Variants in TAPBPL observed in about 807,000 individuals in gnomAD.
TAPBPL encodes TAP binding protein like.
In TAPBPL, 32 loss-of-function variants were observed where a neutral mutation model predicts 44.8. The ratio of observed to expected loss-of-function variants is 0.71; its 90% CI spans 0.54 to 0.96. TAPBPL has a LOEUF of 0.96. Among genes scored for constraint, TAPBPL ranks in the 40% least tolerant of loss-of-function variants. The probability of loss-of-function intolerance (pLI) is 0.00; values close to 1 mark genes in which losing one functional copy is unlikely to be tolerated. For synonymous variants in TAPBPL, 230 were observed against 240.7 expected (o/e 0.96, Z 0.41); for missense variants, 520 against 586.6 (o/e 0.89, Z 1.17).
rs115145657 is a variant in TAPBPL, at chr12:6,459,072, G to T, written c.1207+125G>T. 2.5e-3 allele frequency: 2,835 copies of T among 1,117,390 alleles called. 54 individuals carry two copies. The African/African-American group carries it at 0.04, about 16-fold the overall frequency. 69.2% of individuals were successfully genotyped at this position (1,117,390 alleles called of 1,614,324 possible). On this transcript the variant is annotated intron_variant, in intron 5 of 6. Coordinates refer to ENST00000266556, the MANE Select transcript of TAPBPL (RefSeq NM_018009.5). ...TTCGCAGCCCTGGCTTCATGCTCCT[G>T]CCTCTGCTCCTGACTATTTTCCCAA...
At chr12:6,455,561 A>G (rs559123185) in intron 3 of TAPBPL, among the ~76,000 whole-genome samples, 2 of 151,968 alleles carry the variant, frequency 1.3e-5, no homozygotes, top group African/African-American at 4.8e-5. Flanking sequence ...GACTGTCCCT[A>G]TCTCCCCACA....
intron 1 of TAPBPL, 69 bp downstream of exon 1, chr12:6,452,381 C>G (rs570972025): frequency 1.3e-6 from 2 of 1,526,602 alleles, no homozygotes; most frequent in Non-Finnish European, 1.8e-6. Flanking sequence ...CCACCCTCCC[C>G]GAGATTCCAG....
intron 1 of TAPBPL, among the ~76,000 whole-genome samples, chr12:6,452,784 A>G (rs1362187718): frequency 1.3e-5 from 2 of 152,192 alleles, no homozygotes; most frequent in African/African-American, 2.4e-5. Flanking sequence ...TTGACTGAAA[A>G]GATAGTCTTT....
At chr12:6,470,428 G>A (rs1479762211), downstream of TAPBPL, 38 of 1,558,032 alleles carry the variant, frequency 2.4e-5, no homozygotes, top group Non-Finnish European at 3.2e-5. Flanking sequence ...TCCCCGCGTT[G>A]CTGCAGCTGC....
chr12:6,453,821 C>A lies in TAPBPL; in HGVS notation c.565+105C>A. ...TCACCTGAGGTCAGGAGTTTGAGATCAGCCTGGTCAACACGGTGAAACCCC... is the reference window on the plus strand; with the variant it reads ...TCACCTGAGGTCAGGAGTTTGAGATAAGCCTGGTCAACACGGTGAAACCCC... On this transcript the variant is annotated intron_variant, in intron 3 of 6. Coordinates refer to ENST00000266556, the MANE Select transcript of TAPBPL (RefSeq NM_018009.5). This position sits in a 1 kb window ranked among gnomAD's most constrained non-coding sequence, Gnocchi z 4.8. 7.3e-7 allele frequency: 1 copy of A among 1,377,712 alleles called. No individual in the cohort carries two copies. The highest frequency in any genetic ancestry group is 9.6e-7 in the Non-Finnish European group (1 of 1,045,918). The allele number at this position is 1,377,712 out of a possible 1,614,324, so 85.3% of individuals were successfully genotyped here.
intron 5 of TAPBPL, among the ~76,000 whole-genome samples, chr12:6,460,645 A>G (rs1949830545): frequency 6.6e-6 from 1 of 152,194 alleles, no homozygotes; most frequent in Non-Finnish European, 1.5e-5. Flanking sequence ...AGGTGGGAAG[A>G]GGTAGAGAAT....
chr12:6,463,141 G>A (rs1367501342), downstream of TAPBPL: 15 of 1,472,616 alleles, frequency 1.0e-5, no homozygotes, highest in East Asian at 2.0e-4. This position sits in a 1 kb window ranked among gnomAD's most constrained non-coding sequence, Gnocchi z 4.0. Context: ...AGGTTCCACT[G>A]TCTATACACA....
downstream of TAPBPL, among the ~76,000 whole-genome samples, chr12:6,471,415 A>C (rs2137019419): frequency 6.6e-6 from 1 of 152,144 alleles, no homozygotes; most frequent in African/African-American, 2.4e-5. This position sits in a 1 kb window ranked among gnomAD's most constrained non-coding sequence, Gnocchi z 4.0. Flanking sequence ...TAATCTGCCA[A>C]ATCGAGTTGA....
downstream of TAPBPL, among the ~76,000 whole-genome samples, chr12:6,467,597 A>C (rs543359617): frequency 2.0e-5 from 3 of 152,374 alleles, no homozygotes; most frequent in South Asian, 6.2e-4. Context: ...GAAGAAATTC[A>C]AGGCAGCTGC....
chr12:6,461,000 C>T, intron 6 of TAPBPL, 62 bp downstream of exon 6: 1 of 1,606,674 alleles, frequency 6.2e-7, no homozygotes, highest in Non-Finnish European at 8.5e-7. Flanking sequence ...AACCACCCCC[C>T]CGCCCAGACC....
At chr12:6,458,974 ACC>A in intron 5 of TAPBPL, 27 bp downstream of exon 5, 1 of 1,601,122 alleles carries the variant, frequency 6.2e-7, no homozygotes, top group Non-Finnish European at 8.5e-7. Context: ...CCTTTTCCCC[ACC>A]TCCACACTAG....
intron 5 of TAPBPL, among the ~76,000 whole-genome samples, chr12:6,459,749 T>C (rs975546276): frequency 1.1e-4 from 16 of 145,042 alleles, no homozygotes; most frequent in African/African-American, 4.5e-4. Flanking sequence ...TATTTATTTA[T>C]TTATTTATTT....
At chr12:6,455,622 G>C (rs1949684093) in intron 3 of TAPBPL, among the ~76,000 whole-genome samples, 1 of 151,974 alleles carries the variant, frequency 6.6e-6, no homozygotes, top group Non-Finnish European at 1.5e-5. Context: ...TTTTTTAATT[G>C]ATATGATAAT....
In TAPBPL at chr12:6,453,561, A is replaced by T. The variant is rs1485219323; in HGVS notation, c.410A>T (p.Lys137Met). ...CTCCAGATGACAGAGACCACTGTTAAGACAGCAGCTTGGTTCATGGCCAAC... is the reference window on the plus strand; with the variant it reads ...CTCCAGATGACAGAGACCACTGTTATGACAGCAGCTTGGTTCATGGCCAAC... ...YFLQMTETTV[K>M]TAAWFMANMQ... Residue 137 changes from lysine to methionine, a missense_variant, in exon 3 of 7, where the codon AAG (lysine) becomes ATG (methionine). By Grantham distance (95) the Lys-to-Met change is moderately conservative (BLOSUM62 -1). Transcript: ENST00000266556. This position sits in a 1 kb window ranked among gnomAD's most constrained non-coding sequence, Gnocchi z 4.8. 5.6e-6 allele frequency: 9 copies of T among 1,614,088 alleles called. No homozygotes were observed. The highest frequency in any genetic ancestry group is 7.6e-6 in the Non-Finnish European group (9 of 1,180,034).
At chr12:6,459,310 C>T (rs1172164811) in intron 5 of TAPBPL, among the ~76,000 whole-genome samples, 11 of 152,280 alleles carry the variant, frequency 7.2e-5, no homozygotes, top group Admixed American at 6.5e-5. Flanking sequence ...GGGAAGGGAA[C>T]ACTCAAGATA....
At chr12:6,471,551 G>T in the TAPBPL span, among the ~76,000 whole-genome samples, 2 of 152,126 alleles carry the variant, frequency 1.3e-5, no homozygotes, top group Non-Finnish European at 2.9e-5. The surrounding 1 kb of genome is among the most constrained non-coding windows in gnomAD (Gnocchi z 4.0). Context: ...TACAAGGCCG[G>T]GCGCAGTGGC....
At position 6,453,070 on chromosome 12, in the gene TAPBPL, C is replaced by T; in HGVS notation, c.68C>T (p.Pro23Leu). Residue 23 changes from proline to leucine, a missense_variant, in exon 2 of 7, where the codon CCC becomes CTC. Transcript: ENST00000266556. This position sits in a 1 kb window ranked among gnomAD's most constrained non-coding sequence, Gnocchi z 4.8. The part of the protein sequence containing the change: ...LALSGAAETK[P>L]HPAEGQWRAV... ...TCACCCCAGCCTTTGTCTGCAGAGC[C>T]CCACCCAGCAGAGGGGCAGTGGCGG... 6.4e-7 allele frequency: 1 copy of T among 1,573,232 alleles called. No homozygotes were observed. Among genetic ancestry groups the T allele is most frequent in the South Asian group, 1.2e-5 (1 of 85,770 alleles).
In TAPBPL at chr12:6,453,238, C is replaced by A. The variant is rs773328258; in HGVS notation, c.236C>A (p.Thr79Asn). Residue 79 changes from threonine (T) to asparagine (N), a missense_variant, in exon 2 of 7, where the codon ACC (threonine) becomes AAC (asparagine). Thr to Asn is a moderately conservative substitution (Grantham distance 65). Coordinates refer to ENST00000266556, the MANE Select transcript of TAPBPL (RefSeq NM_018009.5). The surrounding 1 kb of genome is among the most constrained non-coding windows in gnomAD (Gnocchi z 4.8). The part of the protein sequence containing the change: ...VLDDGSLEDF[T>N]DFQGGTLAQD... ...GACGATGGCTCCCTGGAGGACTTCA[C>A]CGATTTCCAAGGGGGCACACTGGCC... 1 of 1,614,014 alleles carries A rather than the reference C, an allele frequency of 6.2e-7. No individual in the cohort carries two copies. The highest frequency in any genetic ancestry group is 1.7e-5 in the Admixed American group (1 of 60,000).
downstream of TAPBPL, chr12:6,464,661 G>A: frequency 1.4e-6 from 2 of 1,463,300 alleles, no homozygotes; most frequent in African/African-American, 1.4e-5. Context: ...CACTTCCTCA[G>A]AACAGGAGGC....
Sources: gnomAD v4.1 joint callset for allele counts (sites outside exome capture counted in the v4.1 genomes callset) on GRCh38, gnomAD v4.1.1 for gene constraint, Gnocchi (gnomAD v3.1) non-coding constraint, MANE v1.5 for transcripts, NCBI Gene and HGNC (gene_info 2026-07-23, HGNC 2026-07-21) for gene names.